The following FAM114A1 variants were observed in gnomAD, a reference collection of about 807,000 sequenced individuals.
The protein encoded by FAM114A1 is protein NOXP20.
In FAM114A1, 62 loss-of-function variants were observed where a neutral mutation model predicts 64.3. That is an observed-to-expected ratio of 0.96 (90% CI 0.79 to 1.19). The LOEUF is 1.19. Ranked by LOEUF, FAM114A1 falls within the 50% of genes most tolerant of loss-of-function variation. The pLI is 0.00. For synonymous variants in FAM114A1, 254 were observed against 251.1 expected, an observed-to-expected ratio of 1.01 and a Z score of -0.11; for missense variants, 645 against 676.3, an observed-to-expected ratio of 0.95 and a Z score of 0.51.
At chr4:38,874,706 T>C (rs1014857769) in intron 2 of FAM114A1, among the ~76,000 whole-genome samples, 1 of 152,204 alleles carries the variant, frequency 6.6e-6, no homozygotes, top group African/African-American at 2.4e-5. Context: ...TTTGCTGCAA[T>C]TGCTTTTGGA....
In FAM114A1 at chr4:38,943,949, T is replaced by C. The variant is rs543242249; in HGVS notation, c.*392T>C. On this transcript the variant is annotated 3_prime_UTR_variant, in exon 15 of 15. Transcript: ENST00000358869. The stretch of plus-strand genomic sequence containing the variant: ...ACCTTTAAATGTTCCATTCTTATAG[T>C]ATTACTTTAAATCAATTCTAAAACT... The C allele has an allele frequency of 5.6e-4, 91 of 161,552 alleles. No homozygotes were observed. Among genetic ancestry groups the C allele is most frequent in the African/African-American group, 1.9e-3 (80 of 41,918 alleles). 10.0% of individuals were successfully genotyped at this position (161,552 alleles called of 1,614,324 possible).
intron 10 of FAM114A1, 22 bp from the exon 11 acceptor site, chr4:38,931,429 G>A (rs761645185): frequency 3.2e-6 from 5 of 1,583,396 alleles, no homozygotes; most frequent in Non-Finnish European, 4.3e-6. Context: ...TAAAAGGATT[G>A]TTTGGTTGGG....
At chr4:38,911,728 T>C (rs1338759989) in intron 7 of FAM114A1, among the ~76,000 whole-genome samples, 4 of 152,078 alleles carry the variant, frequency 2.6e-5, no homozygotes, top group Non-Finnish European at 4.4e-5. Flanking sequence ...TAAAGAAATA[T>C]ATAACTATGG....
intron 9 of FAM114A1, 96 bp from the exon 10 acceptor site, chr4:38,929,146 A>C (rs538686145): frequency 1.1e-6 from 1 of 930,092 alleles, no homozygotes; most frequent in Non-Finnish European, 1.7e-6. Context: ...ACCTCCACTT[A>C]GTCTACCCCA....
intron 7 of FAM114A1, among the ~76,000 whole-genome samples, chr4:38,911,718 T>C (rs968633921): frequency 2.6e-5 from 4 of 151,998 alleles, no homozygotes; most frequent in South Asian, 4.1e-4. Context: ...CTTTACACAC[T>C]AAAGAAATAT....
In FAM114A1 at chr4:38,932,318, T is replaced by G. The variant is rs758480768; in HGVS notation, c.1407T>G (p.Ile469Met). 6.2e-7 allele frequency: 1 copy of G among 1,613,378 alleles called. No homozygotes were observed. Among genetic ancestry groups the G allele is most frequent in the African/African-American group, 1.3e-5 (1 of 74,834 alleles). ...AGCTTCATAAAGTAGCAGAATTAATTCTTCATGGACAAGAAGAGGAAAAAC... is the reference window on the plus strand; with the variant it reads ...AGCTTCATAAAGTAGCAGAATTAATGCTTCATGGACAAGAAGAGGAAAAAC... ...IEQLHKVAEL[I>M]LHGQEEEKPA... Residue 469 changes from isoleucine (I) to methionine (M), a missense_variant, in exon 12 of 15, where the codon ATT becomes ATG. Physicochemically the swap from Ile to Met is conservative, Grantham distance 10 (BLOSUM62 1). Transcript: ENST00000358869.
At chr4:38,932,792 T>C (rs1720764974) in intron 12 of FAM114A1, among the ~76,000 whole-genome samples, 1 of 151,952 alleles carries the variant, frequency 6.6e-6, no homozygotes, top group Non-Finnish European at 1.5e-5. Flanking sequence ...CCACCATACC[T>C]GGCCAAAGAT....
chr4:38,943,473 G>A lies in FAM114A1; in HGVS notation c.1608G>A (p.Thr536=), dbSNP rs147705900. ...TCTCACAGGGCTGCAACAGTACAAC[G>A]TACATACAGGATGCCTTCCAGCTGC... ...SVLLEGCNST[T]YIQDAFQLLL... Residue 536 remains threonine (T), a synonymous_variant, in exon 15 of 15, where the codon ACG becomes ACA. Coordinates refer to ENST00000358869, the MANE Select transcript of FAM114A1 (RefSeq NM_138389.4). 6.6e-4 allele frequency: 1,063 copies of A among 1,613,994 alleles called. 7 individuals are homozygous for A. Among genetic ancestry groups the A allele is most frequent in the South Asian group, 2.9e-3 (261 of 91,086 alleles).
At chr4:38,941,918 A>C (rs1320519323) in intron 14 of FAM114A1, among the ~76,000 whole-genome samples, 1 of 152,206 alleles carries the variant, frequency 6.6e-6, no homozygotes, top group Non-Finnish European at 1.5e-5. Flanking sequence ...CATACCTGAG[A>C]CTGGGCAATT....
In FAM114A1 at chr4:38,915,044, G is replaced by A; in HGVS notation, c.916G>A (p.Glu306Lys). The A allele has an allele frequency of 6.2e-7, 1 of 1,614,146 alleles. No homozygotes were observed. The highest frequency in any genetic ancestry group is 8.5e-7 in the Non-Finnish European group (1 of 1,180,016). Residue 306 changes from glutamate to lysine, a missense_variant, in exon 8 of 15, where the codon GAA (glutamate) becomes AAA (lysine). Glu to Lys is a moderately conservative substitution (Grantham distance 56). Transcript: ENST00000358869. Reference sequence around the variant, plus strand: ...AGGCTTGTCACACCTGGAAGCCCTGGAAATTCTGTCCAATGAAAGCGAAAG... The same window carrying A: ...AGGCTTGTCACACCTGGAAGCCCTGAAAATTCTGTCCAATGAAAGCGAAAG... ...YQGLSHLEAL[E>K]ILSNESESKV...
intron 3 of FAM114A1, among the ~76,000 whole-genome samples, chr4:38,880,620 G>A (rs1331688086): frequency 6.6e-6 from 1 of 152,160 alleles, no homozygotes; most frequent in Non-Finnish European, 1.5e-5. Context: ...ATGGCAGAGT[G>A]AGGATTTGAA....
chr4:38,907,869 G>C (rs539627232), intron 6 of FAM114A1, among the ~76,000 whole-genome samples: 18 of 152,196 alleles, frequency 1.2e-4, no homozygotes, highest in South Asian at 6.2e-4. Context: ...ATGCAGTTCT[G>C]TTCACTTGAA....
intron 9 of FAM114A1, among the ~76,000 whole-genome samples, chr4:38,927,617 C>A (rs1257678669): frequency 6.6e-6 from 1 of 152,168 alleles, no homozygotes; most frequent in Non-Finnish European, 1.5e-5. Flanking sequence ...CCCCAGCTAG[C>A]CCTGTTTATA....
intron 2 of FAM114A1, among the ~76,000 whole-genome samples, chr4:38,872,710 T>C (rs760761206): frequency 3.3e-5 from 5 of 152,232 alleles, no homozygotes; most frequent in Non-Finnish European, 7.3e-5. Flanking sequence ...TCCTAGGCCA[T>C]GGGTAAGCAG....
chr4:38,872,662 A>G (rs1714196418), intron 2 of FAM114A1, among the ~76,000 whole-genome samples: 1 of 152,252 alleles, frequency 6.6e-6, no homozygotes. Context: ...TAATAAATTA[A>G]GACAGGGAAA....
At chr4:38,920,723 G>A (rs1192514412) in intron 8 of FAM114A1, among the ~76,000 whole-genome samples, 7 of 152,192 alleles carry the variant, frequency 4.6e-5, no homozygotes, top group African/African-American at 7.2e-5. Context: ...GAAAACTGCA[G>A]TTTAGAAAAT....
In FAM114A1 at chr4:38,932,378, A is replaced by G. The variant is rs1323154053; in HGVS notation, c.1463+4A>G. The G allele has an allele frequency of 6.3e-7, 1 of 1,586,250 alleles. No individual in the cohort carries two copies. The highest frequency in any genetic ancestry group is 8.5e-7 in the Non-Finnish European group (1 of 1,172,462). On this transcript the variant is annotated splice_donor_region_variant and intron_variant, in intron 12 of 14. Coordinates refer to ENST00000358869, the MANE Select transcript of FAM114A1 (RefSeq NM_138389.4). Reference sequence around the variant, plus strand: ...ACCAAGCAAAAGTTCTAATAAAGTAAGTAAATGTTACTTTAAATTCTTATT... The same window carrying G: ...ACCAAGCAAAAGTTCTAATAAAGTAGGTAAATGTTACTTTAAATTCTTATT...
chr4:38,876,162 C>CTTTTTTTTTTTTTTT lies in FAM114A1; in HGVS notation c.-8-1903_-8-1902insTTTTTTTTTTTTTTT, dbSNP rs1310747810. ...TGCTCAGGTATTTTCTAGACTTATT[C>CTTTTTTTTTTTTTTT]TTTTTTCTTTTTTTTTTTTTTTTTT... On this transcript the variant is annotated intron_variant, in intron 2 of 14. Transcript: ENST00000358869. Among the ~76,000 whole-genome samples, 2 of 99,268 alleles carry CTTTTTTTTTTTTTTT rather than the reference C, an allele frequency of 2.0e-5. 1 individual carries two copies. Among genetic ancestry groups the CTTTTTTTTTTTTTTT allele is most frequent in the Non-Finnish European group, 3.7e-5 (2 of 54,334 alleles). The allele number at this position is 99,268 out of a possible 152,430, so 65.1% of individuals were successfully genotyped here.
At position 38,943,610 on chromosome 4, in the gene FAM114A1, A is replaced by G. The variant is rs370721063; in HGVS notation, c.*53A>G. ...AGACAGCTGGCCGCCTTGCCTCAAT[A>G]TGTACCATTTAAGGGGATGTTCTCT... On this transcript the variant is annotated 3_prime_UTR_variant, in exon 15 of 15. Coordinates refer to ENST00000358869, the MANE Select transcript of FAM114A1 (RefSeq NM_138389.4). 76 of 1,492,210 alleles carry G rather than the reference A, an allele frequency of 5.1e-5. No homozygotes were observed. In the East Asian group the frequency reaches 1.6e-3, roughly 32 times the overall value. The allele number at this position is 1,492,210 out of a possible 1,614,324, so 92.4% of individuals were successfully genotyped here.
Sources: gnomAD v4.1 joint callset for allele counts (sites outside exome capture counted in the v4.1 genomes callset) on GRCh38, gnomAD v4.1.1 for gene constraint, MANE v1.5 for transcripts, NCBI Gene and HGNC (gene_info 2026-07-23, HGNC 2026-07-21) for gene names.